The following NMNAT2 variants were observed in gnomAD, a reference collection of about 807,000 sequenced individuals.
NMNAT2 encodes nicotinamide nucleotide adenylyltransferase 2.
A neutral mutation model predicts 41.6 loss-of-function variants in NMNAT2; 11 were observed. The observed-to-expected ratio is 0.26, with a 90% confidence interval of 0.17 to 0.44. The LOEUF is 0.44. Ranked by LOEUF, NMNAT2 falls within the 20% of genes least tolerant of loss-of-function variation. NMNAT2 has a pLI of 1.00. For missense variants in NMNAT2, 288 were observed against 407.7 expected, an observed-to-expected ratio of 0.71 and a Z score of 2.53; for synonymous variants, 148 against 151.2, an observed-to-expected ratio of 0.98 and a Z score of 0.16.
chr1:183,293,659 G>A (rs181274441), intron 2 of NMNAT2, 46 bp downstream of exon 2: 5 of 1,375,422 alleles, frequency 3.6e-6, no homozygotes, highest in African/African-American at 2.8e-5. Flanking sequence ...GGCCAGGGAT[G>A]GGGGGACGGG....
intron 5 of NMNAT2, among the ~76,000 whole-genome samples, chr1:183,285,023 G>C (rs1043284076): frequency 4.6e-5 from 7 of 152,130 alleles, no homozygotes; most frequent in Admixed American, 2.0e-4. Flanking sequence ...TAGACTGGAA[G>C]CCATTTTCTG....
intron 3 of NMNAT2, among the ~76,000 whole-genome samples, chr1:183,291,357 G>T (rs1336648507): frequency 6.6e-6 from 1 of 152,118 alleles, no homozygotes; most frequent in Middle Eastern, 3.4e-3. Flanking sequence ...CTTGCCATTT[G>T]CCGGGACCCT....
intron 1 of NMNAT2, among the ~76,000 whole-genome samples, chr1:183,382,325 G>A (rs1441268653): frequency 6.6e-6 from 1 of 152,122 alleles, no homozygotes; most frequent in Non-Finnish European, 1.5e-5. Context: ...CCAACACTGG[G>A]GGTTACAACT....
At chr1:183,323,296 G>C (rs1662390902) in intron 1 of NMNAT2, among the ~76,000 whole-genome samples, 1 of 152,022 alleles carries the variant, frequency 6.6e-6, no homozygotes, top group Admixed American at 6.6e-5. Flanking sequence ...CCCTGCAATG[G>C]TGACACCACC....
intron 1 of NMNAT2, among the ~76,000 whole-genome samples, chr1:183,406,421 G>T (rs983933130): frequency 6.6e-6 from 1 of 152,148 alleles, no homozygotes; most frequent in Non-Finnish European, 1.5e-5. Context: ...CAACACATGG[G>T]AGTCTCAGGA....
chr1:183,333,491 A>T (rs1662625516), intron 1 of NMNAT2, among the ~76,000 whole-genome samples: 1 of 152,150 alleles, frequency 6.6e-6, no homozygotes, highest in African/African-American at 2.4e-5. Flanking sequence ...AGAGAAGGAG[A>T]TGTGAGGAAA....
chr1:183,394,231 A>G (rs978927923), intron 1 of NMNAT2, among the ~76,000 whole-genome samples: 4 of 152,230 alleles, frequency 2.6e-5, no homozygotes, highest in Non-Finnish European at 5.9e-5. Flanking sequence ...GGTATCAAAG[A>G]TGTTCAAGAT....
At position 183,386,741 on chromosome 1, in the gene NMNAT2, T is replaced by C. The variant is rs149360098; in HGVS notation, c.85+31442A>G. ...ACAAAATAAAAAATTATTTAACAAT[T>C]ACAAAAGCAGTATAATATATAGTTA... On this transcript the variant is annotated intron_variant, in intron 1 of 10. Transcript: ENST00000287713. Among the ~76,000 whole-genome samples the C allele has an allele frequency of 1.3e-3, 193 of 152,206 alleles. 1 individual carries two copies. Among genetic ancestry groups the C allele is most frequent in the African/African-American group, 4.5e-3 (189 of 41,556 alleles).
intron 8 of NMNAT2, 29 bp from the exon 9 acceptor site, chr1:183,261,332 T>C (rs201649825): frequency 2.5e-6 from 4 of 1,578,944 alleles, no homozygotes; most frequent in East Asian, 4.5e-5. Context: ...GGCCCTTTGG[T>C]GAAACCCTGA....
chr1:183,334,685 T>G (rs1481324772), intron 1 of NMNAT2, among the ~76,000 whole-genome samples: 1 of 151,816 alleles, frequency 6.6e-6, no homozygotes, highest in Non-Finnish European at 1.5e-5. Context: ...AATTTTTGTA[T>G]TTTTAGTGGA....
intron 1 of NMNAT2, among the ~76,000 whole-genome samples, chr1:183,360,297 T>C (rs1039968504): frequency 3.3e-5 from 5 of 152,026 alleles, no homozygotes; most frequent in Non-Finnish European, 7.4e-5. Flanking sequence ...AAAGTTGACA[T>C]GGAAAACTTA....
At chr1:183,329,378 G>A (rs1380814273) in intron 1 of NMNAT2, among the ~76,000 whole-genome samples, 1 of 152,082 alleles carries the variant, frequency 6.6e-6, no homozygotes, top group East Asian at 1.9e-4. Context: ...TCCCTGATCT[G>A]GACTCTTAAT....
chr1:183,309,612 C>A (rs6676995), intron 1 of NMNAT2, among the ~76,000 whole-genome samples: 1,858 of 152,326 alleles, frequency 0.012, 31 homozygotes, highest in African/African-American at 0.043. Context: ...ATTCATTACA[C>A]AGATTGTTTT....
In NMNAT2 at chr1:183,345,047, A is replaced by C. The variant is rs541579679; in HGVS notation, c.86-51254T>G. Among the ~76,000 whole-genome samples, 211 of 152,100 alleles carry C rather than the reference A, an allele frequency of 1.4e-3. 1 individual carries two copies. The highest frequency in any genetic ancestry group is 4.8e-3 in the African/African-American group (199 of 41,480). On this transcript the variant is annotated intron_variant, in intron 1 of 10. Transcript: ENST00000287713. ...TCCAAGGACCCCATCTCCTCATTCC[A>C]CCTGTTGTAAATCTCCCTCTGGACA... is the stretch of plus-strand genomic sequence containing the variant.
rs567680409 is a variant in NMNAT2 at position 183,344,239 on chromosome 1, T to G, written c.86-50446A>C. On this transcript the variant is annotated intron_variant, in intron 1 of 10. Transcript: ENST00000287713. ...GCGATTAATTCTCACAACCGCACAA[T>G]GAAGCAAGCATAATCATCTGCATTA... 3.9e-5 allele frequency among the ~76,000 whole-genome samples: 6 copies of G among 152,298 alleles called. No homozygotes were observed. In the East Asian group the frequency reaches 1.2e-3, roughly 29 times the overall value.
rs12029193 is a variant in NMNAT2 at position 183,268,992 on chromosome 1, T to A, written c.652-7689A>T. 2.1e-3 allele frequency among the ~76,000 whole-genome samples: 322 copies of A among 152,172 alleles called. 6 individuals carry two copies. In the East Asian group the frequency reaches 0.053, roughly 25 times the overall value. Reference sequence around the variant, plus strand: ...CTTGACCCCAGGATGATTGCTTGAGTCTAGAAGTTCAAGGCTGCAGTGAGC... The same window carrying A: ...CTTGACCCCAGGATGATTGCTTGAGACTAGAAGTTCAAGGCTGCAGTGAGC... On this transcript the variant is annotated intron_variant, in intron 8 of 10. Transcript: ENST00000287713.
rs1406146596 is a variant in NMNAT2, at chr1:183,318,053, C to G, written c.86-24260G>C. On this transcript the variant is annotated intron_variant, in intron 1 of 10. Coordinates refer to ENST00000287713, the MANE Select transcript of NMNAT2 (RefSeq NM_015039.4). ...TTATGTTCTGGGCACTGTTCTATAG[C>G]CTTCACAAACAGTTATTCTAAGGGC... Among the ~76,000 whole-genome samples, 5 of 152,266 alleles carry G rather than the reference C, an allele frequency of 3.3e-5. No individual in the cohort carries two copies. The South Asian group carries it at 6.2e-4, about 19-fold the overall frequency.
At chr1:183,390,782 C>A (rs1254047042) in intron 1 of NMNAT2, among the ~76,000 whole-genome samples, 1 of 152,094 alleles carries the variant, frequency 6.6e-6, no homozygotes, top group East Asian at 1.9e-4. Context: ...GAAATTCAAC[C>A]ATGTGATGCT....
intron 1 of NMNAT2, among the ~76,000 whole-genome samples, chr1:183,298,933 A>T (rs974918456): frequency 6.6e-6 from 1 of 152,246 alleles, no homozygotes; most frequent in African/African-American, 2.4e-5. Flanking sequence ...TAAAATGTGT[A>T]TGGAAAGTTA....
Sources: gnomAD v4.1 joint callset for allele counts (sites outside exome capture counted in the v4.1 genomes callset) on GRCh38, gnomAD v4.1.1 for gene constraint, MANE v1.5 for transcripts, NCBI Gene and HGNC (gene_info 2026-07-23, HGNC 2026-07-21) for gene names.